The following FAM151B variants were observed in gnomAD, a reference collection of about 807,000 sequenced individuals.
FAM151B encodes family with sequence similarity 151 member B.
A neutral mutation model predicts 31.2 loss-of-function variants in FAM151B; 24 were observed. The ratio of observed to expected loss-of-function variants is 0.77; its 90% confidence interval spans 0.56 to 1.08. The LOEUF is 1.08. FAM151B is among the 50% of genes least tolerant of loss of function. FAM151B has a pLI of 0.00. For synonymous variants in FAM151B, 105 were observed against 111.4 expected (o/e 0.94, Z 0.36); for missense variants, 293 against 328.6 (o/e 0.89, Z 0.84).
intron 2 of FAM151B, among the ~76,000 whole-genome samples, chr5:80,509,119 G>A (rs1216230107): frequency 2.6e-5 from 4 of 151,946 alleles, no homozygotes; most frequent in Non-Finnish European, 4.4e-5. Flanking sequence ...GACTACAGGC[G>A]TGTGCCACCA....
chr5:80,526,749 C>T (rs1017293341), intron 5 of FAM151B, among the ~76,000 whole-genome samples: 1 of 152,016 alleles, frequency 6.6e-6, no homozygotes, highest in Admixed American at 6.5e-5. Context: ...ATGGTTAATA[C>T]CTCTAGAATA....
At chr5:80,540,727 T>C (rs142116064) in intron 5 of FAM151B, among the ~76,000 whole-genome samples, 2 of 152,366 alleles carry the variant, frequency 1.3e-5, no homozygotes, top group Admixed American at 1.3e-4. Context: ...ACTTTTCTTT[T>C]TCTGTGTCCC....
At chr5:80,494,068 A>G (rs1743411942) in intron 1 of FAM151B, among the ~76,000 whole-genome samples, 1 of 152,182 alleles carries the variant, frequency 6.6e-6, no homozygotes, top group Non-Finnish European at 1.5e-5. Context: ...ACTTAGGGAA[A>G]ATAGAAAAGA....
At chr5:80,533,398 C>CA (rs1745337429) in intron 5 of FAM151B, among the ~76,000 whole-genome samples, 3 of 149,248 alleles carry the variant, frequency 2.0e-5, no homozygotes, top group Non-Finnish European at 4.5e-5. Flanking sequence ...CAAAACAAAA[C>CA]AAAAAAACTA....
At chr5:80,498,891 G>A in intron 1 of FAM151B, 1 of 331,954 alleles carries the variant, frequency 3.0e-6, no homozygotes, top group South Asian at 3.3e-5. Context: ...AGGAATTCCT[G>A]GATTTTGGCC....
chr5:80,499,131 T>C (rs531951358), intron 1 of FAM151B, among the ~76,000 whole-genome samples: 103 of 152,368 alleles, frequency 6.8e-4, no homozygotes, highest in Non-Finnish European at 1.2e-3. Context: ...TGCTAGGCTC[T>C]TAATAAATGT....
intron 2 of FAM151B, among the ~76,000 whole-genome samples, chr5:80,508,056 C>T (rs911444926): frequency 3.3e-5 from 5 of 152,306 alleles, no homozygotes; most frequent in African/African-American, 1.2e-4. Flanking sequence ...TGACTGGCTT[C>T]TTCAATTAGT....
intron 3 of FAM151B, 106 bp from the exon 4 acceptor site, chr5:80,519,587 T>A: frequency 1.1e-6 from 1 of 894,420 alleles, no homozygotes; most frequent in Non-Finnish European, 1.7e-6. Context: ...CAGACATTAT[T>A]GTATTTTGAT....
chr5:80,537,369 G>C (rs141568643), intron 5 of FAM151B, among the ~76,000 whole-genome samples: 16 of 152,310 alleles, frequency 1.1e-4, no homozygotes, highest in African/African-American at 3.8e-4. Flanking sequence ...GGAGGTCTTT[G>C]TTGGCACTGA....
chr5:80,532,733 G>A (rs1380830414), intron 5 of FAM151B, among the ~76,000 whole-genome samples: 3 of 152,096 alleles, frequency 2.0e-5, no homozygotes, highest in Admixed American at 6.5e-5. Context: ...ATTCTCCAGG[G>A]TAGACCATAT....
chr5:80,522,857 T>G (rs563761866), intron 5 of FAM151B, among the ~76,000 whole-genome samples: 4 of 152,198 alleles, frequency 2.6e-5, no homozygotes, highest in African/African-American at 9.6e-5. Context: ...TTAAATAGAT[T>G]ATAAAAGTAC....
chr5:80,531,937 CAT>C lies in FAM151B; in HGVS notation c.672-9733_672-9732del, dbSNP rs750976789. On this transcript the variant is annotated intron_variant, in intron 5 of 5. Coordinates refer to ENST00000282226, the MANE Select transcript of FAM151B (RefSeq NM_205548.3). ...ATGCAGCTATAAAGACATATGGACA[CAT>C]ATGTTTATTGTGGCACTATTCACAA... 2.6e-5 allele frequency among the ~76,000 whole-genome samples: 4 copies of C among 152,148 alleles called. No individual in the cohort carries two copies. In the South Asian group the frequency reaches 8.3e-4, roughly 32 times the overall value.
chr5:80,513,650 A>T lies in FAM151B; in HGVS notation c.198A>T (p.Gly66=), dbSNP rs757991789. The stretch of plus-strand genomic sequence containing the variant: ...CTGATGTCCTTCTTCCAAGTGATGG[A>T]TCAGAACACAGCCAGCCAATTATGG... ...IEADVLLPSD[G]SEHSQPIMAH... is the part of the protein sequence containing the mutation. Residue 66 remains glycine (G), a synonymous_variant, in exon 3 of 6, where the codon GGA becomes GGT. Transcript: ENST00000282226. 3.1e-6 allele frequency: 5 copies of T among 1,614,132 alleles called. No homozygotes were observed. In the Admixed American group the frequency reaches 6.7e-5, roughly 22 times the overall value.
intron 5 of FAM151B, among the ~76,000 whole-genome samples, chr5:80,538,590 C>T (rs1482138104): frequency 7.4e-6 from 1 of 135,724 alleles, no homozygotes; most frequent in Non-Finnish European, 1.6e-5. Flanking sequence ...TCCTTTCCTC[C>T]TTTCTTTCTT....
intron 1 of FAM151B, chr5:80,499,985 G>C (rs1743684699): frequency 6.2e-6 from 1 of 160,524 alleles, no homozygotes; most frequent in South Asian, 1.8e-4. Flanking sequence ...CAGTGGCCAA[G>C]GTATGGAAGC....
chr5:80,515,928 G>T (rs1291840359), intron 3 of FAM151B, among the ~76,000 whole-genome samples: 1 of 152,180 alleles, frequency 6.6e-6, no homozygotes, highest in Non-Finnish European at 1.5e-5. Context: ...CCAGAATGCT[G>T]CACTCACTCC....
intron 5 of FAM151B, among the ~76,000 whole-genome samples, chr5:80,539,936 C>G (rs1475019374): frequency 1.3e-5 from 2 of 152,128 alleles, no homozygotes; most frequent in Non-Finnish European, 2.9e-5. Context: ...CATTATTTCT[C>G]TATACATATA....
intron 2 of FAM151B, among the ~76,000 whole-genome samples, chr5:80,503,082 T>G (rs1398552323): frequency 2.0e-5 from 3 of 152,140 alleles, no homozygotes; most frequent in African/African-American, 7.2e-5. Context: ...ATACGCTAAA[T>G]AAAAACCACT....
chr5:80,510,586 A>T (rs1157311840), intron 2 of FAM151B: 1 of 152,270 alleles, frequency 6.6e-6, no homozygotes, highest in East Asian at 1.9e-4. Context: ...ATCAAAATCC[A>T]TAGCCTAAAA....
Sources: gnomAD v4.1 joint callset for allele counts (sites outside exome capture counted in the v4.1 genomes callset) on GRCh38, gnomAD v4.1.1 for gene constraint, MANE v1.5 for transcripts, NCBI Gene and HGNC (gene_info 2026-07-23, HGNC 2026-07-21) for gene names.